Variants in ST3GAL3 observed in about 807,000 individuals in gnomAD.
ST3GAL3 encodes the protein CMP-N-acetylneuraminate-beta-1,4-galactoside alpha-2,3-sialyltransferase.
ST3GAL3 carries 21 observed loss-of-function variants against 50.1 expected under a neutral mutation model. The ratio of observed to expected loss-of-function variants is 0.42; its 90% CI spans 0.30 to 0.60. The LOEUF is 0.60. Ranked by LOEUF, ST3GAL3 falls within the 20% of genes least tolerant of loss-of-function variation. ST3GAL3 has a pLI of 0.19. For missense variants in ST3GAL3, 353 were observed against 489.4 expected (o/e 0.72, Z 2.63); for synonymous variants, 183 against 190.0 (o/e 0.96, Z 0.30).
rs74070694 is a variant in ST3GAL3 at position 43,784,229 on chromosome 1, C to T, written c.119-7873C>T. On this transcript the variant is annotated intron_variant, in intron 2 of 11. Transcript: ENST00000347631. ...ATTCTCCTTGCATCTAAACGACAGG[C>T]CAGGCGTGGTGGCTCGTGCCTGTAA... Among the ~76,000 whole-genome samples the T allele has an allele frequency of 7.3e-3, 1,107 of 152,228 alleles. 19 individuals carry two copies. Among genetic ancestry groups the T allele is most frequent in the African/African-American group, 0.025 (1,048 of 41,526 alleles).
intron 5 of ST3GAL3, chr1:43,858,209 T>C (rs2068997273): frequency 7.8e-7 from 1 of 1,289,144 alleles, no homozygotes; most frequent in African/African-American, 1.5e-5. Flanking sequence ...AGACAGAGGA[T>C]TGTGGGGACA....
intron 2 of ST3GAL3, among the ~76,000 whole-genome samples, chr1:43,783,768 G>A (rs1700097816): frequency 6.6e-6 from 1 of 152,104 alleles, no homozygotes; most frequent in Admixed American, 6.5e-5. Flanking sequence ...GAGGGCAGCA[G>A]CTGGTAGAAT....
chr1:43,774,287 C>T (rs1464952391), intron 2 of ST3GAL3, among the ~76,000 whole-genome samples: 1 of 152,066 alleles, frequency 6.6e-6, no homozygotes, highest in Non-Finnish European at 1.5e-5. Flanking sequence ...GCTATTGTTA[C>T]TCTTGTTTCA....
At chr1:43,909,540 T>A (rs1325740639) in intron 9 of ST3GAL3, among the ~76,000 whole-genome samples, 1 of 152,126 alleles carries the variant, frequency 6.6e-6, no homozygotes, top group Non-Finnish European at 1.5e-5. Flanking sequence ...TCTGACCCTC[T>A]CCTCATAGCA....
chr1:43,781,849 T>C (rs1049458760), intron 2 of ST3GAL3, among the ~76,000 whole-genome samples: 12 of 152,150 alleles, frequency 7.9e-5, no homozygotes, highest in Admixed American at 3.3e-4. Flanking sequence ...AATAAATCTA[T>C]TGGGCAATCT....
At chr1:43,771,835 G>T in intron 2 of ST3GAL3, 1 of 382,066 alleles carries the variant, frequency 2.6e-6, no homozygotes, top group Admixed American at 4.5e-5. Context: ...TTAATTTGAG[G>T]AAAATAACTT....
rs1384786552 is a variant in ST3GAL3 at position 43,737,309 on chromosome 1, T to G, written c.118+929T>G. ...AGAACTCACTTGAGAAGAGAGTCAG[T>G]CTCTAGGTACAAGGTGAAAGTGAGC... On this transcript the variant is annotated intron_variant, in intron 2 of 11. Coordinates refer to ENST00000347631, the MANE Select transcript of ST3GAL3 (RefSeq NM_006279.5). This position sits in a 1 kb window ranked among gnomAD's most constrained non-coding sequence, Gnocchi z 4.0. 1 of 152,186 alleles carries G rather than the reference T, an allele frequency of 6.6e-6. No homozygotes were observed. Among genetic ancestry groups the G allele is most frequent in the Non-Finnish European group, 1.5e-5 (1 of 68,048 alleles). 9.4% of individuals were successfully genotyped at this position (152,186 alleles called of 1,614,324 possible).
chr1:43,913,715 C>T (rs543464068), intron 9 of ST3GAL3: 4 of 152,310 alleles, frequency 2.6e-5, no homozygotes, highest in South Asian at 4.1e-4. Flanking sequence ...ATAAAAGGAG[C>T]GCTGGACTGT....
chr1:43,763,764 G>A (rs1366783281), intron 2 of ST3GAL3, among the ~76,000 whole-genome samples: 2 of 152,160 alleles, frequency 1.3e-5, no homozygotes, highest in African/African-American at 4.8e-5. Flanking sequence ...GCCATCAGAG[G>A]AGGCAATGGA....
At chr1:43,810,436 G>A (rs2060427521) in intron 3 of ST3GAL3, among the ~76,000 whole-genome samples, 1 of 152,206 alleles carries the variant, frequency 6.6e-6, no homozygotes, top group Admixed American at 6.5e-5. Flanking sequence ...GGCATTATGA[G>A]AAGGGTTTGA....
intron 2 of ST3GAL3, among the ~76,000 whole-genome samples, chr1:43,760,906 A>G (rs768916368): frequency 3.1e-4 from 47 of 152,380 alleles, no homozygotes; most frequent in Non-Finnish European, 5.6e-4. Context: ...GGAATGAGAT[A>G]CTGATAATGC....
intron 11 of ST3GAL3, chr1:43,929,891 G>C: frequency 1.7e-6 from 1 of 595,596 alleles, no homozygotes; most frequent in East Asian, 3.3e-5. Flanking sequence ...GTTTTCCTGG[G>C]ACGAGGAAAG....
chr1:43,784,995 T>C (rs1184674619), intron 2 of ST3GAL3, among the ~76,000 whole-genome samples: 1 of 152,214 alleles, frequency 6.6e-6, no homozygotes, highest in Admixed American at 6.5e-5. Flanking sequence ...TCCTCCTAAA[T>C]TAATGATGAT....
At chr1:43,879,772 A>G (rs1168296243) in intron 5 of ST3GAL3, among the ~76,000 whole-genome samples, 1 of 152,156 alleles carries the variant, frequency 6.6e-6, no homozygotes, top group African/African-American at 2.4e-5. Flanking sequence ...CCTCACCATC[A>G]AAGCCAGAGC....
At chr1:43,904,813 C>T (rs1255076765) in intron 9 of ST3GAL3, among the ~76,000 whole-genome samples, 2 of 147,126 alleles carry the variant, frequency 1.4e-5, no homozygotes, top group Non-Finnish European at 3.0e-5. Flanking sequence ...TGTTCCTCTT[C>T]CTGCCACTCT....
rs1239788201 is a variant in ST3GAL3, at chr1:43,929,307, A to ATT, written c.1039-824_1039-823dup. 2.4e-3 allele frequency among the ~76,000 whole-genome samples: 99 copies of ATT among 41,550 alleles called. 1 individual carries two copies. The highest frequency in any genetic ancestry group is 4.1e-3 in the African/African-American group (92 of 22,186). The allele number at this position is 41,550 out of a possible 152,430, so 27.3% of individuals were successfully genotyped here. A position where few individuals can be genotyped will look rare whatever the true frequency, so the allele number is the denominator to read the frequency against. The stretch of plus-strand genomic sequence containing the variant: ...TTCAATTAAAAAATTAGTTTTAATT[A>ATT]TTATTTTTTTTTTTTGAGACAGAAT... On this transcript the variant is annotated intron_variant, in intron 11 of 11. Coordinates refer to ENST00000347631, the MANE Select transcript of ST3GAL3 (RefSeq NM_006279.5).
intron 2 of ST3GAL3, among the ~76,000 whole-genome samples, chr1:43,761,441 G>C (rs1413240670): frequency 1.3e-5 from 2 of 151,890 alleles, no homozygotes. Context: ...ATGTCCAGAA[G>C]GATGTATTTA....
At chr1:43,921,730 C>A in intron 11 of ST3GAL3, 1 of 398,932 alleles carries the variant, frequency 2.5e-6, no homozygotes, top group East Asian at 3.6e-5. Flanking sequence ...TATTCCAGAG[C>A]CTTCCATGCC....
intron 5 of ST3GAL3, among the ~76,000 whole-genome samples, chr1:43,854,198 C>T (rs2067895903): frequency 2.0e-5 from 3 of 152,128 alleles, no homozygotes; most frequent in Admixed American, 2.0e-4. Context: ...ACCCCCATAC[C>T]CCTACCAGGA....
Sources: allele counts gnomAD v4.1 joint callset (sites outside exome capture counted in the v4.1 genomes callset), GRCh38; gene constraint gnomAD v4.1.1; non-coding constraint Gnocchi (gnomAD v3.1); transcripts MANE v1.5; gene names NCBI Gene and HGNC (gene_info 2026-07-23, HGNC 2026-07-21).